ATP2B2: variants seen among roughly 807,000 people sequenced by gnomAD.
ATP2B2 encodes the protein ATPase plasma membrane Ca2+ transporting 2.
A neutral mutation model predicts 120.0 loss-of-function variants in ATP2B2; 15 were observed. That is an observed-to-expected ratio of 0.12 (90% CI 0.08 to 0.19). The LOEUF is 0.19. ATP2B2 is among the 10% of genes least tolerant of loss of function. The pLI is 1.00. For missense variants in ATP2B2, 1,045 were observed against 1,719.8 expected (o/e 0.61, Z 6.94); for synonymous variants, 694 against 700.3 (o/e 0.99, Z 0.14).
chr3:10,629,848 G>T (rs1011310550), intron 1 of ATP2B2, among the ~76,000 whole-genome samples: 2 of 152,212 alleles, frequency 1.3e-5, no homozygotes. Context: ...GCCAAGCAAC[G>T]CAAAAGCAGA....
chr3:10,659,448 GTC>G (rs1398165762), intron 1 of ATP2B2, among the ~76,000 whole-genome samples: 6 of 152,186 alleles, frequency 3.9e-5, no homozygotes, highest in African/African-American at 1.4e-4. Context: ...TGCAATCCTA[GTC>G]TCTGATAAAA....
At chr3:10,400,352 C>T (rs2062177106) in intron 5 of ATP2B2, among the ~76,000 whole-genome samples, 1 of 152,264 alleles carries the variant, frequency 6.6e-6, no homozygotes, top group South Asian at 2.1e-4. Flanking sequence ...TGCTTCTGGG[C>T]TTTTGCCCCT....
intron 2 of ATP2B2, among the ~76,000 whole-genome samples, chr3:10,578,656 C>G (rs1408021184): frequency 1.3e-5 from 2 of 152,086 alleles, no homozygotes; most frequent in African/African-American, 4.8e-5. Context: ...GGAAACAACC[C>G]AAATGCCCAC....
At chr3:10,457,432 G>A (rs537104914) in intron 1 of ATP2B2, among the ~76,000 whole-genome samples, 14 of 152,232 alleles carry the variant, frequency 9.2e-5, no homozygotes, top group Non-Finnish European at 1.8e-4. Flanking sequence ...GCCTGTAAGT[G>A]ACCGTGCTTT....
chr3:10,541,308 G>T (rs946861784), intron 2 of ATP2B2, among the ~76,000 whole-genome samples: 1 of 151,848 alleles, frequency 6.6e-6, no homozygotes, highest in Non-Finnish European at 1.5e-5. Flanking sequence ...TCTTCTGTTT[G>T]GTTTGGGTTT....
intron 1 of ATP2B2, among the ~76,000 whole-genome samples, chr3:10,484,672 G>C (rs2065563925): frequency 6.6e-6 from 1 of 152,172 alleles, no homozygotes; most frequent in Admixed American, 6.5e-5. Flanking sequence ...ATGGCCCTGG[G>C]GGTTGAGCCG....
chr3:10,615,712 A>C (rs2069367515), intron 2 of ATP2B2, among the ~76,000 whole-genome samples: 1 of 152,136 alleles, frequency 6.6e-6, no homozygotes. Context: ...GATTTTATAA[A>C]TCAAAATCAC....
rs532625400 is a variant in ATP2B2 at position 10,643,128 on chromosome 3, C to T, written c.-459-23167G>A. 8.5e-5 allele frequency among the ~76,000 whole-genome samples: 13 copies of T among 152,272 alleles called. No individual in the cohort carries two copies. The East Asian group carries it at 2.3e-3, about 27-fold the overall frequency. On this transcript the variant is annotated intron_variant, in intron 1 of 21. Coordinates refer to the ATP2B2 transcript ENST00000646379. ...GAGGCATGTCACAAGGACGCAAACGCCAGCTTGTAAGGACTCCCAGTGGCC... is the reference window on the plus strand; with the variant it reads ...GAGGCATGTCACAAGGACGCAAACGTCAGCTTGTAAGGACTCCCAGTGGCC...
intron 5 of ATP2B2, among the ~76,000 whole-genome samples, chr3:10,395,223 C>A (rs922962909): frequency 6.6e-6 from 1 of 152,190 alleles, no homozygotes; most frequent in Non-Finnish European, 1.5e-5. Flanking sequence ...AAAACACTGG[C>A]TTTCCATGAA....
intron 2 of ATP2B2, among the ~76,000 whole-genome samples, chr3:10,610,884 G>A (rs1359404018): frequency 1.3e-5 from 2 of 152,152 alleles, no homozygotes; most frequent in African/African-American, 4.8e-5. Context: ...CATGCCAAGA[G>A]ACTGTGTCAA....
chr3:10,420,573 G>A (rs1157845682), intron 2 of ATP2B2, among the ~76,000 whole-genome samples: 4 of 152,208 alleles, frequency 2.6e-5, no homozygotes, highest in Non-Finnish European at 5.9e-5. Context: ...TGTTGGCCAT[G>A]CTGGTCTAGA....
intron 2 of ATP2B2, among the ~76,000 whole-genome samples, chr3:10,583,666 T>G (rs920537062): frequency 2.0e-5 from 3 of 152,206 alleles, no homozygotes; most frequent in African/African-American, 7.2e-5. Context: ...TAATCCCTGC[T>G]GTGAGGGAAT....
chr3:10,512,635 G>C (rs1185350208), intron 3 of ATP2B2, among the ~76,000 whole-genome samples: 1 of 152,224 alleles, frequency 6.6e-6, no homozygotes, highest in African/African-American at 2.4e-5. Context: ...GAGTTAGAAT[G>C]AGAGCTTAGA....
chr3:10,571,530 A>T (rs540621484), intron 2 of ATP2B2, among the ~76,000 whole-genome samples: 1 of 152,358 alleles, frequency 6.6e-6, no homozygotes, highest in South Asian at 2.1e-4. Context: ...AGGCATGGAC[A>T]TGGGCATGGG....
intron 1 of ATP2B2, among the ~76,000 whole-genome samples, chr3:10,639,801 C>A (rs2070121946): frequency 6.6e-6 from 1 of 152,220 alleles, no homozygotes; most frequent in South Asian, 2.1e-4. Flanking sequence ...AAATGCCTGA[C>A]CTTTCTCTCT....
At chr3:10,603,067 T>C (rs2068966595) in intron 2 of ATP2B2, among the ~76,000 whole-genome samples, 1 of 152,210 alleles carries the variant, frequency 6.6e-6, no homozygotes, top group Admixed American at 6.5e-5. Context: ...AAACCTGAAC[T>C]GGTGAGAAAC....
chr3:10,434,509 G>T (rs1376938418), intron 2 of ATP2B2, among the ~76,000 whole-genome samples: 1 of 152,242 alleles, frequency 6.6e-6, no homozygotes, highest in Non-Finnish European at 1.5e-5. Flanking sequence ...AAGAAAAAAG[G>T]GAGGGGCTTG....
intron 1 of ATP2B2, among the ~76,000 whole-genome samples, chr3:10,475,472 G>T (rs1016945208): frequency 2.0e-5 from 3 of 152,172 alleles, no homozygotes; most frequent in African/African-American, 7.2e-5. Flanking sequence ...CTATGTGTTG[G>T]GCACCACACA....
intron 1 of ATP2B2, among the ~76,000 whole-genome samples, chr3:10,664,547 C>T (rs76917116): frequency 0.051 from 7,832 of 152,218 alleles, 387 homozygotes; most frequent in African/African-American, 0.13. Context: ...TCGGCTTTTC[C>T]GCAGGTTACA....
Sources: gnomAD v4.1 joint callset for allele counts (sites outside exome capture counted in the v4.1 genomes callset) on GRCh38, gnomAD v4.1.1 for gene constraint, MANE v1.5 for transcripts, NCBI Gene and HGNC (gene_info 2026-07-23, HGNC 2026-07-21) for gene names.